SPTLC1: variants seen among roughly 807,000 people sequenced by gnomAD.
The protein encoded by SPTLC1 is serine palmitoyltransferase 1.
Under a neutral mutation model 68.9 loss-of-function variants are expected in SPTLC1, and 55 were observed. The ratio of observed to expected loss-of-function variants is 0.80; its 90% CI spans 0.64 to 1.00. The LOEUF is 1.00. SPTLC1 is among the 50% of genes least tolerant of loss of function. SPTLC1 has a pLI of 0.00. For synonymous variants in SPTLC1, 197 were observed against 201.6 expected (o/e 0.98, Z 0.19); for missense variants, 449 against 573.1 (o/e 0.78, Z 2.21).
chr9:92,047,143 T>C, intron 11 of SPTLC1, 29 bp downstream of exon 11: 1 of 1,560,118 alleles, frequency 6.4e-7, no homozygotes. Context: ...GAAATCTCTT[T>C]GATTCCTTGG....
chr9:92,059,074 A>G, intron 7 of SPTLC1, 105 bp downstream of exon 7: 1 of 1,363,516 alleles, frequency 7.3e-7, no homozygotes. Context: ...TAATATCCAA[A>G]TGTGATCCAC....
At chr9:92,055,725 C>T (rs1231818569) in intron 7 of SPTLC1, among the ~76,000 whole-genome samples, 2 of 152,216 alleles carry the variant, frequency 1.3e-5, no homozygotes, top group Non-Finnish European at 2.9e-5. Context: ...CACACACAAA[C>T]TAATTAGGCC....
chr9:92,054,793 G>A (rs542808428), intron 8 of SPTLC1, among the ~76,000 whole-genome samples: 1 of 152,196 alleles, frequency 6.6e-6, no homozygotes, highest in East Asian at 1.9e-4. Context: ...CACGCCTATA[G>A]TTCCAGCTAC....
At chr9:92,071,022 G>A (rs1394419090) in intron 5 of SPTLC1, among the ~76,000 whole-genome samples, 1 of 151,726 alleles carries the variant, frequency 6.6e-6, no homozygotes, top group Non-Finnish European at 1.5e-5. Context: ...GCTGACTTTA[G>A]GACGTTTAGA....
chr9:92,084,711 T>A (rs1835040465), intron 3 of SPTLC1, among the ~76,000 whole-genome samples: 1 of 151,906 alleles, frequency 6.6e-6, no homozygotes, highest in Admixed American at 6.6e-5. Context: ...TCTTTTTTGG[T>A]TGTGTCTCTG....
intron 1 of SPTLC1, among the ~76,000 whole-genome samples, chr9:92,114,651 C>T (rs938957392): frequency 2.6e-5 from 4 of 151,814 alleles, no homozygotes; most frequent in African/African-American, 9.7e-5. Context: ...AGGAGAATCG[C>T]TTAAACCCGG....
At chr9:92,094,015 TAA>T (rs1339776127) in intron 3 of SPTLC1, among the ~76,000 whole-genome samples, 1 of 152,168 alleles carries the variant, frequency 6.6e-6, no homozygotes, top group Non-Finnish European at 1.5e-5. Context: ...CAGCCAGGTA[TAA>T]AGTGAATTCC....
chr9:92,063,658 A>G (rs888348441), intron 6 of SPTLC1, among the ~76,000 whole-genome samples: 2 of 152,150 alleles, frequency 1.3e-5, no homozygotes, highest in African/African-American at 2.4e-5. Context: ...ATTATACCCC[A>G]TAACCAAGTG....
chr9:92,067,408 G>A (rs1166147314), intron 6 of SPTLC1, among the ~76,000 whole-genome samples: 2 of 152,200 alleles, frequency 1.3e-5, no homozygotes, highest in Non-Finnish European at 2.9e-5. Flanking sequence ...AGATGCTTCT[G>A]ACTGGTTTAA....
chr9:92,108,467 T>C (rs1401170084), intron 3 of SPTLC1: 3 of 396,222 alleles, frequency 7.6e-6, no homozygotes, highest in African/African-American at 6.2e-5. Context: ...GTCTGTTGCT[T>C]TTCATTTTAA....
At chr9:92,047,799 ACTGT>A in intron 9 of SPTLC1, 91 bp from the exon 10 acceptor site, 2 of 802,912 alleles carry the variant, frequency 2.5e-6, no homozygotes, top group East Asian at 2.6e-5. Flanking sequence ...ACAGCATTAA[ACTGT>A]CTGTTAATAT....
chr9:92,086,138 C>T (rs918807351), intron 3 of SPTLC1, among the ~76,000 whole-genome samples: 15 of 151,966 alleles, frequency 9.9e-5, no homozygotes, highest in African/African-American at 3.4e-4. Context: ...ATGTGTGTCT[C>T]TGCACGTGAG....
At chr9:92,087,164 T>G (rs1835175572) in intron 3 of SPTLC1, among the ~76,000 whole-genome samples, 1 of 152,200 alleles carries the variant, frequency 6.6e-6, no homozygotes, top group African/African-American at 2.4e-5. Context: ...TTCAAAGTTT[T>G]TAACTTCTTT....
intron 5 of SPTLC1, chr9:92,079,140 A>G (rs1311291776): frequency 2.1e-6 from 1 of 479,030 alleles, no homozygotes; most frequent in African/African-American, 2.1e-5. Flanking sequence ...CAGTGGCATG[A>G]TCTCGGCTCA....
chr9:92,099,339 G>T (rs2118779174), intron 3 of SPTLC1, among the ~76,000 whole-genome samples: 1 of 152,316 alleles, frequency 6.6e-6, no homozygotes. Context: ...AGTGAGTGTA[G>T]ATGTGTTTTC....
chr9:92,048,047 C>A (rs1458404635), intron 9 of SPTLC1, among the ~76,000 whole-genome samples: 1 of 152,256 alleles, frequency 6.6e-6, no homozygotes, highest in South Asian at 2.1e-4. Context: ...ACTATTTCCT[C>A]GCTAAAACAG....
intron 6 of SPTLC1, among the ~76,000 whole-genome samples, chr9:92,063,883 G>A (rs1195733118): frequency 1.3e-5 from 2 of 152,154 alleles, no homozygotes; most frequent in African/African-American, 2.4e-5. Flanking sequence ...GCATCTGTAA[G>A]AAATCTGCAC....
chr9:92,072,101 G>A (rs1003071306), intron 5 of SPTLC1, among the ~76,000 whole-genome samples: 1 of 152,148 alleles, frequency 6.6e-6, no homozygotes, highest in Non-Finnish European at 1.5e-5. Context: ...GCCTGTTCAG[G>A]TTGTCTCTTC....
intron 13 of SPTLC1, among the ~76,000 whole-genome samples, chr9:92,035,625 G>A (rs1380963408): frequency 1.3e-5 from 2 of 152,072 alleles, no homozygotes; most frequent in Admixed American, 6.5e-5. Flanking sequence ...GCCACTTAAC[G>A]ATATACTTCA....
Sources: allele counts gnomAD v4.1 joint callset (sites outside exome capture counted in the v4.1 genomes callset), GRCh38; gene constraint gnomAD v4.1.1; transcripts MANE v1.5; gene names NCBI Gene and HGNC (gene_info 2026-07-23, HGNC 2026-07-21).